Variants in CCDC33 observed in about 807,000 individuals in gnomAD.
CCDC33 encodes coiled-coil domain-containing protein 33.
Under a neutral mutation model 91.9 loss-of-function variants are expected in CCDC33, and 94 were observed. That is an observed-to-expected ratio of 1.02 (90% CI 0.87 to 1.21). CCDC33 has a LOEUF of 1.21. CCDC33 is among the 50% of genes most tolerant of loss of function. CCDC33 has a pLI of 0.00. For synonymous variants in CCDC33, 396 were observed against 374.5 expected (o/e 1.06, Z -0.66); for missense variants, 940 against 935.5 (o/e 1.00, Z -0.06).
At position 74,251,832 on chromosome 15, in the gene CCDC33, T is replaced by A. The variant is rs551853981; in HGVS notation, c.185+7684T>A. 2.6e-5 allele frequency among the ~76,000 whole-genome samples: 4 copies of A among 152,220 alleles called. No individual in the cohort carries two copies. In the East Asian group the frequency reaches 7.7e-4, roughly 29 times the overall value. ...GACTCTGGTGACTAATTGAAGAAGA[T>A]GTTAAAAGTAGGACAATTGTTTGAA... On this transcript the variant is annotated intron_variant, in intron 2 of 18. Coordinates refer to ENST00000398814, the MANE Select transcript of CCDC33 (RefSeq NM_025055.5).
intron 11 of CCDC33, among the ~76,000 whole-genome samples, chr15:74,324,618 C>T (rs539033601): frequency 5.3e-5 from 8 of 151,860 alleles, no homozygotes; most frequent in Admixed American, 5.2e-4. Flanking sequence ...CTCCTCACTC[C>T]ACAGTTGCCA....
At chr15:74,286,732 T>C (rs962285692) in intron 10 of CCDC33, among the ~76,000 whole-genome samples, 1 of 152,072 alleles carries the variant, frequency 6.6e-6, no homozygotes, top group Non-Finnish European at 1.5e-5. Context: ...GCCTCTCAGA[T>C]GGGTGGCCAC....
intron 9 of CCDC33, 49 bp downstream of exon 9, chr15:74,280,850 AC>A: frequency 7.3e-7 from 1 of 1,377,060 alleles, no homozygotes; most frequent in Non-Finnish European, 9.5e-7. Context: ...ACCTGGCCCC[AC>A]CCTGCCTCAC....
chr15:74,266,142 A>T (rs1207212248), intron 3 of CCDC33, among the ~76,000 whole-genome samples: 3 of 152,236 alleles, frequency 2.0e-5, no homozygotes, highest in Non-Finnish European at 2.9e-5. Context: ...CCTTACTTGT[A>T]GTAGACTTTT....
intron 2 of CCDC33, among the ~76,000 whole-genome samples, chr15:74,246,456 C>T (rs940687804): frequency 1.3e-5 from 2 of 152,138 alleles, no homozygotes; most frequent in Non-Finnish European, 2.9e-5. Context: ...ATATGAGTAA[C>T]TCATACAACT....
At chr15:74,334,586 G>A (rs993642213) in intron 17 of CCDC33, among the ~76,000 whole-genome samples, 7 of 147,332 alleles carry the variant, frequency 4.8e-5, no homozygotes, top group African/African-American at 1.1e-4. Context: ...TCAGGGTTCC[G>A]TGTACAACGA....
intron 11 of CCDC33, among the ~76,000 whole-genome samples, chr15:74,308,605 G>A (rs973692090): frequency 6.6e-6 from 1 of 152,274 alleles, no homozygotes; most frequent in Non-Finnish European, 1.5e-5. Context: ...AAGGAGGGGG[G>A]ACAGCGTTGC....
intron 7 of CCDC33, among the ~76,000 whole-genome samples, chr15:74,273,093 C>T (rs556785276): frequency 6.6e-6 from 1 of 152,196 alleles, no homozygotes; most frequent in Non-Finnish European, 1.5e-5. Context: ...ATGGGAGTCA[C>T]GTGGGTGAAA....
chr15:74,315,768 T>TC (rs961370252), intron 11 of CCDC33, among the ~76,000 whole-genome samples: 6 of 152,012 alleles, frequency 3.9e-5, no homozygotes, highest in Non-Finnish European at 8.8e-5. Context: ...ACCTGTTTGT[T>TC]CCCCCAGAGG....
At chr15:74,259,555 T>C (rs1249182390) in intron 2 of CCDC33, among the ~76,000 whole-genome samples, 1 of 151,976 alleles carries the variant, frequency 6.6e-6, no homozygotes, top group African/African-American at 2.4e-5. Context: ...CCCACCCAGT[T>C]GCTTTATCTG....
upstream of CCDC33, among the ~76,000 whole-genome samples, chr15:74,215,801 G>T (rs1040879780): frequency 2.0e-5 from 3 of 151,262 alleles, no homozygotes; most frequent in Non-Finnish European, 4.4e-5. Flanking sequence ...AACCCGGGAG[G>T]CAGAGGTTGC....
chr15:74,281,229 G>A (rs2142499387), intron 9 of CCDC33, among the ~76,000 whole-genome samples: 1 of 152,358 alleles, frequency 6.6e-6, no homozygotes, highest in South Asian at 2.1e-4. Flanking sequence ...TAACAAGAGA[G>A]TTCAGAGCTC....
At chr15:74,309,917 G>A (rs1306332365) in intron 11 of CCDC33, among the ~76,000 whole-genome samples, 1 of 152,082 alleles carries the variant, frequency 6.6e-6, no homozygotes, top group African/African-American at 2.4e-5. Flanking sequence ...GGAGGCTGAG[G>A]CAGGAGGATC....
chr15:74,279,083 G>A (rs561549752), intron 7 of CCDC33, among the ~76,000 whole-genome samples: 1 of 152,320 alleles, frequency 6.6e-6, no homozygotes, highest in East Asian at 1.9e-4. Context: ...TAGGAAAACA[G>A]TTTACCAATA....
downstream of CCDC33, chr15:74,336,393 C>A: frequency 7.6e-7 from 1 of 1,322,350 alleles, no homozygotes; most frequent in Admixed American, 2.3e-5. Context: ...CAGAGACCAG[C>A]TCTGTTGGGA....
intron 2 of CCDC33, chr15:74,221,372 G>A: frequency 1.1e-6 from 1 of 940,966 alleles, no homozygotes; most frequent in South Asian, 4.9e-5. Context: ...GTGAGACCAG[G>A]GTCAGAGCTC....
intron 11 of CCDC33, among the ~76,000 whole-genome samples, chr15:74,309,149 C>T (rs2059945740): frequency 6.6e-6 from 1 of 152,194 alleles, no homozygotes; most frequent in Non-Finnish European, 1.5e-5. Flanking sequence ...TACCCCCCGC[C>T]CTGAACCCAT....
At chr15:74,254,233 A>G (rs1347108602) in intron 2 of CCDC33, among the ~76,000 whole-genome samples, 1 of 151,908 alleles carries the variant, frequency 6.6e-6, no homozygotes, top group Non-Finnish European at 1.5e-5. Flanking sequence ...GGGTTTCACC[A>G]TGTTTGTCAG....
upstream of CCDC33, among the ~76,000 whole-genome samples, chr15:74,216,816 C>T (rs2074459753): frequency 6.6e-6 from 1 of 151,030 alleles, no homozygotes; most frequent in Admixed American, 6.6e-5. Context: ...CCATGAGCTC[C>T]CCACACCAGA....
Sources: allele counts gnomAD v4.1 joint callset (sites outside exome capture counted in the v4.1 genomes callset), GRCh38; gene constraint gnomAD v4.1.1; transcripts MANE v1.5; gene names NCBI Gene and HGNC (gene_info 2026-07-23, HGNC 2026-07-21).